PABPC1: variants seen among roughly 807,000 people sequenced by gnomAD.
The protein encoded by PABPC1 is poly(A) binding protein cytoplasmic 1, also known as polyadenylate-binding protein 1.
In PABPC1, 4 loss-of-function variants were observed where a neutral mutation model predicts 74.0. The ratio of observed to expected loss-of-function variants is 0.05; its 90% confidence interval spans 0.03 to 0.12. The LOEUF is 0.12. Ranked by LOEUF, PABPC1 falls within the 10% of genes least tolerant of loss-of-function variation. The pLI is 1.00. For missense variants in PABPC1, 271 were observed against 821.1 expected (o/e 0.33, Z 8.19); for synonymous variants, 227 against 264.1 (o/e 0.86, Z 1.36).
chr8:100,714,531 GACC>G (rs1810614173), intron 4 of PABPC1, among the ~76,000 whole-genome samples: 1 of 152,018 alleles, frequency 6.6e-6, no homozygotes, highest in South Asian at 2.1e-4. Context: ...AGGAGTTGGA[GACC>G]AGCCTGGCCA....
At chr8:100,707,527 A>T (rs772660717) in intron 9 of PABPC1, among the ~76,000 whole-genome samples, 4 of 152,222 alleles carry the variant, frequency 2.6e-5, no homozygotes, top group Non-Finnish European at 4.4e-5. Flanking sequence ...ACAGAGAGAA[A>T]GACAGCTTAC....
At chr8:100,720,960 A>C (rs994047471) in intron 1 of PABPC1, among the ~76,000 whole-genome samples, 61 of 152,132 alleles carry the variant, frequency 4.0e-4, no homozygotes, top group African/African-American at 1.3e-3. Flanking sequence ...TCGAGCACAG[A>C]ACTGCACTTC....
chr8:100,719,743 G>A (rs973735449), intron 1 of PABPC1, among the ~76,000 whole-genome samples: 1 of 152,168 alleles, frequency 6.6e-6, no homozygotes, highest in Non-Finnish European at 1.5e-5. Context: ...AGCTGAGAAA[G>A]AGTAACACTT....
At position 100,721,678 on chromosome 8, in the gene PABPC1, G is replaced by T; in HGVS notation, c.-95C>A. ...CTGGGGGCCGGAGCCGGGGGGAGGG[G>T]AGCGGGGAGCAAGCGCAGAGGGACA... On this transcript the variant is annotated 5_prime_UTR_variant, in exon 1 of 15. Transcript: ENST00000318607. This position sits in a 1 kb window ranked among gnomAD's most constrained non-coding sequence, Gnocchi z 7.4. 1 of 972,970 alleles carries T rather than the reference G, an allele frequency of 1.0e-6. No individual in the cohort carries two copies. Among genetic ancestry groups the T allele is most frequent in the South Asian group, 2.2e-5 (1 of 46,294 alleles). 60.3% of individuals were successfully genotyped at this position (972,970 alleles called of 1,614,324 possible). A position where few individuals can be genotyped will look rare whatever the true frequency, so the allele number is the denominator to read the frequency against.
intron 1 of PABPC1, among the ~76,000 whole-genome samples, chr8:100,719,243 C>T (rs1422654459): frequency 1.3e-5 from 2 of 152,118 alleles, no homozygotes; most frequent in African/African-American, 4.8e-5. Context: ...CTACAAATTC[C>T]ATGCCAATGT....
At chr8:100,709,779 G>A (rs1439008713) in intron 7 of PABPC1, 48 bp from the exon 8 acceptor site, 4 of 1,520,342 alleles carry the variant, frequency 2.6e-6, no homozygotes, top group Admixed American at 2.2e-5. Flanking sequence ...AGAATGAGGA[G>A]CAAAAAAAGA....
chr8:100,712,798 C>G lies in PABPC1; in HGVS notation c.739-9G>C, dbSNP rs753542979. The G allele has an allele frequency of 1.2e-4, 177 of 1,455,158 alleles. No individual in the cohort carries two copies. Among genetic ancestry groups the G allele is most frequent in the Non-Finnish European group, 1.5e-4 (167 of 1,103,160 alleles). The allele number at this position is 1,455,158 out of a possible 1,614,324, so 90.1% of individuals were successfully genotyped here. A position where few individuals can be genotyped will look rare whatever the true frequency, so the allele number is the denominator to read the frequency against. On this transcript the variant is annotated splice_polypyrimidine_tract_variant and intron_variant, in intron 5 of 14. Transcript: ENST00000318607. ...TTCATCTCATCCACAGCCTTCCCCC[C>G]AAAAAAAAAGAAAAAAAAAAAATCA...
chr8:100,706,766 G>A lies in PABPC1; in HGVS notation c.1487C>T (p.Ala496Val). The A allele has an allele frequency of 1.2e-6, 2 of 1,614,176 alleles. No individual in the cohort carries two copies. Among genetic ancestry groups the A allele is most frequent in the Non-Finnish European group, 1.7e-6 (2 of 1,179,970 alleles). Residue 496 changes from alanine (A) to valine (V), a missense_variant, in exon 11 of 15, where the codon GCT (alanine) becomes GTT (valine). Ala to Val is a moderately conservative substitution (Grantham distance 64). Transcript: ENST00000318607. ...AGCAGGAGTAGCTGCAGCGGCTGCA[G>A]CTGCAGGACGTGGACCCATTGTCTG... ...STQTMGPRPAAAAAAATPAVR... is the reference protein window; with the variant it reads ...STQTMGPRPAVAAAAATPAVR...
At chr8:100,720,467 G>A (rs1439171605) in intron 1 of PABPC1, among the ~76,000 whole-genome samples, 1 of 152,114 alleles carries the variant, frequency 6.6e-6, no homozygotes, top group Non-Finnish European at 1.5e-5. Flanking sequence ...AGATAAGACT[G>A]GTCCAGTTGG....
Position 100,712,467 on chromosome 8 carries a change from A to C in PABPC1, c.877-10T>G, listed in dbSNP as rs765331806. The C allele has an allele frequency of 7.2e-7, 1 of 1,380,114 alleles. No homozygotes were observed. Among genetic ancestry groups the C allele is most frequent in the African/African-American group, 1.5e-5 (1 of 68,260 alleles). The allele number at this position is 1,380,114 out of a possible 1,614,324, so 85.5% of individuals were successfully genotyped here. A position where few individuals can be genotyped will look rare whatever the true frequency, so the allele number is the denominator to read the frequency against. ...CATAAAGATTAACACCCTAAAAAGA[A>C]GAAAAGAAAACTATAGAAAAAGAAA... On this transcript the variant is annotated splice_polypyrimidine_tract_variant and intron_variant, in intron 6 of 14. Transcript: ENST00000318607.
chr8:100,712,720 C>T lies in PABPC1; in HGVS notation c.808G>A (p.Val270Met). ...QIYVGRAQKK[V>M]ERQTELKRKF... ...CGCTTAAGTTCCGTCTGCCGTTCCACCTTTTTCTGAGCTCGACCAACATAA... is the reference window on the plus strand; with the variant it reads ...CGCTTAAGTTCCGTCTGCCGTTCCATCTTTTTCTGAGCTCGACCAACATAA... The change falls in exon 6 of 15, where the codon GTG becomes ATG. Residue 270 changes from valine (V) to methionine (M), a missense_variant. Coordinates refer to ENST00000318607, the MANE Select transcript of PABPC1 (RefSeq NM_002568.4). 2 of 1,613,574 alleles carry T rather than the reference C, an allele frequency of 1.2e-6. No homozygotes were observed. The highest frequency in any genetic ancestry group is 1.7e-6 in the Non-Finnish European group (2 of 1,179,956).
intron 7 of PABPC1, among the ~76,000 whole-genome samples, chr8:100,711,698 C>G (rs1173032639): frequency 2.0e-5 from 3 of 152,234 alleles, no homozygotes; most frequent in Non-Finnish European, 2.9e-5. Flanking sequence ...AACATTTCCT[C>G]ACTCTCACAG....
chr8:100,704,499 G>T lies in PABPC1; in HGVS notation c.1819-109C>A, dbSNP rs1001443895. 4 of 940,232 alleles carry T rather than the reference G, an allele frequency of 4.3e-6. No individual in the cohort carries two copies. The Admixed American group carries it at 7.7e-5, about 18-fold the overall frequency. The allele number at this position is 940,232 out of a possible 1,614,324, so 58.2% of individuals were successfully genotyped here. A position where few individuals can be genotyped will look rare whatever the true frequency, so the allele number is the denominator to read the frequency against. On this transcript the variant is annotated intron_variant, in intron 13 of 14. Transcript: ENST00000318607. ...CAAAGATAAGTTTCTTCCCTCAAAT[G>T]AAAGTATAAATTGTTACACTAAACA...
At chr8:100,707,196 AC>A (rs1299899784) in intron 9 of PABPC1, 199 bp from the exon 10 acceptor site, 1 of 471,562 alleles carries the variant, frequency 2.1e-6, no homozygotes, top group Non-Finnish European at 3.9e-6. Context: ...AAGGACGAGT[AC>A]TTATATGTAG....
chr8:100,718,065 G>A (rs764107380), intron 2 of PABPC1, 22 bp downstream of exon 2: 2 of 1,577,088 alleles, frequency 1.3e-6, no homozygotes, highest in East Asian at 2.2e-5. Context: ...GTAAACATGT[G>A]TATCGGACAT....
Position 100,721,592 on chromosome 8 carries a change from G to C in PABPC1, c.-9C>G, listed in dbSNP as rs1400334394. Reference sequence around the variant, plus strand: ...GGGGCACTGGGGTTCATCTCGGCACGGCTGCCCGCAGGGCCACAGGCCGCG... The same window carrying C: ...GGGGCACTGGGGTTCATCTCGGCACCGCTGCCCGCAGGGCCACAGGCCGCG... On this transcript the variant is annotated 5_prime_UTR_variant, in exon 1 of 15. Coordinates refer to ENST00000318607, the MANE Select transcript of PABPC1 (RefSeq NM_002568.4). The surrounding 1 kb of genome is among the most constrained non-coding windows in gnomAD (Gnocchi z 7.4). 3 of 1,551,422 alleles carry C rather than the reference G, an allele frequency of 1.9e-6. No homozygotes were observed. Among genetic ancestry groups the C allele is most frequent in the Non-Finnish European group, 8.8e-7 (1 of 1,141,140 alleles).
chr8:100,719,776 C>CT (rs1203267486), intron 1 of PABPC1, among the ~76,000 whole-genome samples: 4 of 152,196 alleles, frequency 2.6e-5, no homozygotes, highest in Non-Finnish European at 5.9e-5. Flanking sequence ...TTTGTGGTCT[C>CT]TAGAATTCAT....
At chr8:100,716,502 ATC>A (rs1416640419) in intron 3 of PABPC1, among the ~76,000 whole-genome samples, 1 of 152,176 alleles carries the variant, frequency 6.6e-6, no homozygotes, top group Non-Finnish European at 1.5e-5. Context: ...ATCTTACATA[ATC>A]TCACCCTAGT....
intron 4 of PABPC1, among the ~76,000 whole-genome samples, chr8:100,714,660 C>T (rs772812097): frequency 7.9e-5 from 12 of 151,944 alleles, no homozygotes; most frequent in Non-Finnish European, 1.8e-4. Flanking sequence ...ACCCGGGAGG[C>T]GGAGGCTACA....
Sources: allele counts gnomAD v4.1 joint callset (sites outside exome capture counted in the v4.1 genomes callset), GRCh38; gene constraint gnomAD v4.1.1; non-coding constraint Gnocchi (gnomAD v3.1); transcripts MANE v1.5; gene names NCBI Gene and HGNC (gene_info 2026-07-23, HGNC 2026-07-21).